ARHGEF11: variants seen among roughly 807,000 people sequenced by gnomAD.
ARHGEF11 encodes the protein Rho guanine nucleotide exchange factor 11.
A neutral mutation model predicts 193.7 loss-of-function variants in ARHGEF11; 55 were observed. That is an observed-to-expected ratio of 0.28 (90% CI 0.23 to 0.36). The LOEUF is 0.36. Among genes scored for constraint, ARHGEF11 ranks in the 10% least tolerant of loss-of-function variants. ARHGEF11 has a pLI of 1.00. For synonymous variants in ARHGEF11, 693 were observed against 768.0 expected (o/e 0.90, Z 1.62); for missense variants, 1,723 against 2,005.6 (o/e 0.86, Z 2.69).
At chr1:157,002,488 C>T (rs966582010) in intron 1 of ARHGEF11, among the ~76,000 whole-genome samples, 1 of 152,202 alleles carries the variant, frequency 6.6e-6, no homozygotes, top group Admixed American at 6.5e-5. Flanking sequence ...AGTACTGTCT[C>T]TAGTAAACTT....
At chr1:156,981,890 T>C (rs1266687706) in intron 3 of ARHGEF11, among the ~76,000 whole-genome samples, 1 of 152,232 alleles carries the variant, frequency 6.6e-6, no homozygotes, top group Non-Finnish European at 1.5e-5. Flanking sequence ...TATTGTACAT[T>C]TGCCCCAACG....
chr1:156,964,420 C>T (rs1378453280), intron 11 of ARHGEF11, among the ~76,000 whole-genome samples: 1 of 152,162 alleles, frequency 6.6e-6, no homozygotes, highest in African/African-American at 2.4e-5. Flanking sequence ...TGATATTTTT[C>T]ATTTCCAGTG....
intron 14 of ARHGEF11, among the ~76,000 whole-genome samples, chr1:156,960,662 G>A (rs965020011): frequency 1.8e-4 from 28 of 152,208 alleles, no homozygotes; most frequent in African/African-American, 6.3e-4. Context: ...AGGCTACAGA[G>A]CAAGCTGGTA....
chr1:156,943,070 T>C (rs1032980227), intron 32 of ARHGEF11, among the ~76,000 whole-genome samples: 9 of 151,586 alleles, frequency 5.9e-5, no homozygotes, highest in Non-Finnish European at 1.2e-4. Flanking sequence ...TAAAACTTTT[T>C]TTTTTTTTGA....
rs773883806 is a variant in ARHGEF11 at position 157,044,349 on chromosome 1, C to G, written c.-19G>C. On this transcript the variant is annotated 5_prime_UTR_variant, in exon 1 of 41. Transcript: ENST00000368194. Reference sequence around the variant, plus strand: ...CACTCATGGTTTCTCGGTGTCTCCACGGTTCCAGAATCCTGTAGCTTTGGT... The same window carrying G: ...CACTCATGGTTTCTCGGTGTCTCCAGGGTTCCAGAATCCTGTAGCTTTGGT... The G allele has an allele frequency of 6.2e-7, 1 of 1,613,046 alleles. No homozygotes were observed. The highest frequency in any genetic ancestry group is 8.5e-7 in the Non-Finnish European group (1 of 1,179,440).
chr1:156,950,242 T>C (rs932440804), intron 22 of ARHGEF11, among the ~76,000 whole-genome samples: 2 of 152,192 alleles, frequency 1.3e-5, no homozygotes, highest in Non-Finnish European at 2.9e-5. Flanking sequence ...GCAAAATCTT[T>C]TAACACGTGT....
intron 22 of ARHGEF11, 134 bp downstream of exon 22, chr1:156,951,438 TG>T: frequency 8.5e-7 from 1 of 1,171,500 alleles, no homozygotes; most frequent in Non-Finnish European, 1.2e-6. Flanking sequence ...ATACTGGGGG[TG>T]GGGAGGAAGT....
intron 19 of ARHGEF11, 22 bp from the exon 20 acceptor site, chr1:156,955,821 G>A: frequency 6.3e-7 from 1 of 1,590,878 alleles, no homozygotes; most frequent in Non-Finnish European, 8.6e-7. Flanking sequence ...GGAGACACTG[G>A]TGTTTGCAGG....
intron 1 of ARHGEF11, among the ~76,000 whole-genome samples, chr1:156,987,304 T>C (rs1456560366): frequency 6.6e-6 from 1 of 152,174 alleles, no homozygotes; most frequent in East Asian, 1.9e-4. Context: ...ATTACAGTAA[T>C]ACAATGACAC....
At chr1:156,954,787 G>A in intron 21 of ARHGEF11, 105 bp downstream of exon 21, 1 of 953,098 alleles carries the variant, frequency 1.0e-6, no homozygotes, top group East Asian at 2.4e-5. Context: ...GGAGGGAGGA[G>A]GAACAGGATG....
At position 156,948,451 on chromosome 1, in the gene ARHGEF11, C is replaced by T. The variant is rs746951880; in HGVS notation, c.1973G>A (p.Arg658Gln). The T allele has an allele frequency of 1.4e-5, 23 of 1,614,114 alleles. No individual in the cohort carries two copies. Among genetic ancestry groups the T allele is most frequent in the Middle Eastern group, 1.6e-4 (1 of 6,084 alleles). Residue 658 changes from arginine (R) to glutamine (Q), a missense_variant, in exon 23 of 41, where the codon CGG becomes CAG. Arg to Gln is a conservative substitution (Grantham distance 43). Around this residue, in one of 5 missense-constraint regions of ARHGEF11, gnomAD observed 491 missense variants for 654.5 expected, o/e 0.75. Transcript: ENST00000368194. This position sits in a 1 kb window ranked among gnomAD's most constrained non-coding sequence, Gnocchi z 4.2. The stretch of plus-strand genomic sequence containing the variant: ...CTTTCGAGACCGTTTCATCTCTTCC[C>T]GGCCCTTGAGGCTTTCAGAGCGGCC... Reference protein sequence around the residue: ...RLGRSESLKGREEMKRSRKAE... With the variant: ...RLGRSESLKGQEEMKRSRKAE...
At chr1:157,042,520 CCTCT>C (rs1404978532) in intron 1 of ARHGEF11, among the ~76,000 whole-genome samples, 3 of 152,172 alleles carry the variant, frequency 2.0e-5, no homozygotes, top group African/African-American at 7.2e-5. Flanking sequence ...AGCCAGGTAG[CCTCT>C]CTGAGCCTCA....
rs766139835 is a variant in ARHGEF11 at position 156,978,231 on chromosome 1, T to C, written c.483A>G (p.Gln161=). The C allele has an allele frequency of 1.2e-6, 2 of 1,613,958 alleles. No individual in the cohort carries two copies. Among genetic ancestry groups the C allele is most frequent in the African/African-American group, 1.3e-5 (1 of 74,902 alleles). ...PPPPPPLPPP[Q]RITGPKPLQD... is the part of the protein sequence containing the mutation. ...GCAGAGGTTTGGGTCCTGTGATGCGTTGTGGAGGTGGTAGAGGTGGAGGAG... is the reference window on the plus strand; with the variant it reads ...GCAGAGGTTTGGGTCCTGTGATGCGCTGTGGAGGTGGTAGAGGTGGAGGAG... Residue 161 remains glutamine, a synonymous_variant, in exon 6 of 41, where the codon CAA becomes CAG. Coordinates refer to ENST00000368194, the MANE Select transcript of ARHGEF11 (RefSeq NM_198236.3).
At chr1:156,944,277 C>T (rs1657670147) in intron 31 of ARHGEF11, 81 bp downstream of exon 31, 1 of 1,507,370 alleles carries the variant, frequency 6.6e-7, no homozygotes, top group African/African-American at 1.4e-5. Context: ...AGTCATGTTT[C>T]CATGCTTGGG....
chr1:157,013,898 C>T (rs1668873211), intron 1 of ARHGEF11, among the ~76,000 whole-genome samples: 1 of 152,200 alleles, frequency 6.6e-6, no homozygotes, highest in African/African-American at 2.4e-5. Context: ...GGCAGCAGTC[C>T]TGATTCCTTT....
rs1277287576 is a variant in ARHGEF11 at position 156,942,747 on chromosome 1, T to C, written c.3269A>G (p.Lys1090Arg). Reference sequence around the variant, plus strand: ...CTCATAGATCTGGGGTGGGCCCAGCTTGGAGGTGCAGATGATGAAGAAGGC... The same window carrying C: ...CTCATAGATCTGGGGTGGGCCCAGCCTGGAGGTGCAGATGATGAAGAAGGC... ...KRAFFIICTS[K>R]LGPPQIYELV... The change falls in exon 33 of 41, where the codon AAG becomes AGG. Residue 1090 changes from lysine (K) to arginine (R), a missense_variant. Transcript: ENST00000368194. 1 of 1,614,116 alleles carries C rather than the reference T, an allele frequency of 6.2e-7. No individual in the cohort carries two copies. The highest frequency in any genetic ancestry group is 2.2e-5 in the East Asian group (1 of 44,876).
chr1:156,980,267 C>G (rs1663929500), intron 4 of ARHGEF11, among the ~76,000 whole-genome samples, 170 bp downstream of exon 4: 1 of 152,222 alleles, frequency 6.6e-6, no homozygotes, highest in Non-Finnish European at 1.5e-5. Flanking sequence ...CTCCTCCTCA[C>G]TCTCTCTCAT....
intron 1 of ARHGEF11, among the ~76,000 whole-genome samples, chr1:156,991,636 T>C (rs774560718): frequency 6.6e-6 from 1 of 151,816 alleles, no homozygotes; most frequent in Non-Finnish European, 1.5e-5. Flanking sequence ...TGTTTTTATG[T>C]TATCAATTTG....
intron 13 of ARHGEF11, 124 bp from the exon 14 acceptor site, chr1:156,961,899 G>C (rs1290295788): frequency 5.3e-6 from 4 of 760,036 alleles, no homozygotes; most frequent in Middle Eastern, 2.6e-4. Flanking sequence ...CAAGTGCGGT[G>C]CTACTGGCAT....
Sources: gnomAD v4.1 joint callset for allele counts (sites outside exome capture counted in the v4.1 genomes callset) on GRCh38, gnomAD v4.1.1 for gene constraint, gnomAD v4.1.1 regional missense constraint, Gnocchi (gnomAD v3.1) non-coding constraint, MANE v1.5 for transcripts, NCBI Gene and HGNC (gene_info 2026-07-23, HGNC 2026-07-21) for gene names.